Variants in CPQ observed in about 807,000 individuals in gnomAD.
CPQ encodes Ser-Met dipeptidase.
A neutral mutation model predicts 45.7 loss-of-function variants in CPQ; 37 were observed. That is an observed-to-expected ratio of 0.81 (90% CI 0.62 to 1.07). CPQ has a LOEUF of 1.07. Among genes scored for constraint, CPQ ranks in the 50% least tolerant of loss-of-function variants. The pLI is 0.00. For missense variants in CPQ, 537 were observed against 572.9 expected (o/e 0.94, Z 0.64); for synonymous variants, 186 against 205.8 (o/e 0.90, Z 0.82).
intron 7 of CPQ, among the ~76,000 whole-genome samples, chr8:97,130,023 C>T (rs963479931): frequency 3.3e-5 from 5 of 152,206 alleles, no homozygotes; most frequent in African/African-American, 9.7e-5. Flanking sequence ...GTAAACGTAA[C>T]TGTGATCATT....
intron 2 of CPQ, among the ~76,000 whole-genome samples, chr8:96,827,541 A>G (rs542769449): frequency 6.6e-6 from 1 of 152,218 alleles, no homozygotes; most frequent in Admixed American, 6.6e-5. Flanking sequence ...ATTTGGCTTG[A>G]AGTGAAATTT....
At chr8:96,912,152 T>G (rs1360056417) in intron 4 of CPQ, among the ~76,000 whole-genome samples, 3 of 152,200 alleles carry the variant, frequency 2.0e-5, no homozygotes, top group African/African-American at 7.2e-5. Context: ...TTAGGAAGCT[T>G]TAGCTGGACA....
chr8:96,653,623 G>A (rs557612636), intron 1 of CPQ, among the ~76,000 whole-genome samples: 1 of 152,276 alleles, frequency 6.6e-6, no homozygotes, highest in South Asian at 2.1e-4. Context: ...TATGTTACAT[G>A]TAATATATAC....
In CPQ at chr8:97,143,214, CT is replaced by C. The variant is rs11306979; in HGVS notation, c.*32del. On this transcript the variant is annotated 3_prime_UTR_variant, in exon 8 of 8. Transcript: ENST00000220763. Reference sequence around the variant, plus strand: ...GTAAGAAAGAAACGTTTTCATGCTTCTGGCCAGGAATCCTGGGTCTGCAACT... The same window carrying C: ...GTAAGAAAGAAACGTTTTCATGCTTCGGCCAGGAATCCTGGGTCTGCAACT... 0.052 allele frequency: 84,322 copies of C among 1,609,710 alleles called. 2,882 individuals carry two copies. The highest frequency in any genetic ancestry group is 0.15 in the Admixed American group (8,658 of 59,682).
chr8:96,718,099 G>C (rs1809708708), intron 1 of CPQ, among the ~76,000 whole-genome samples: 1 of 152,168 alleles, frequency 6.6e-6, no homozygotes, highest in South Asian at 2.1e-4. Flanking sequence ...GCCTGCCCTA[G>C]AAGCAGGGGC....
intron 4 of CPQ, among the ~76,000 whole-genome samples, chr8:96,946,408 G>A (rs1042818548): frequency 6.6e-6 from 1 of 152,002 alleles, no homozygotes; most frequent in Non-Finnish European, 1.5e-5. Flanking sequence ...ATTATTATCA[G>A]CAAGATAAAT....
At chr8:96,964,820 T>G (rs1378349826) in intron 4 of CPQ, among the ~76,000 whole-genome samples, 3 of 152,188 alleles carry the variant, frequency 2.0e-5, no homozygotes, top group Non-Finnish European at 2.9e-5. Flanking sequence ...TCCTCTAAAA[T>G]CTGTGTTTAG....
intron 5 of CPQ, among the ~76,000 whole-genome samples, chr8:96,999,900 G>A (rs938989622): frequency 1.3e-5 from 2 of 151,510 alleles, no homozygotes; most frequent in African/African-American, 2.4e-5. Flanking sequence ...ATCAGCATCT[G>A]TTATTTTTGA....
intron 1 of CPQ, among the ~76,000 whole-genome samples, chr8:96,753,874 A>G (rs914686238): frequency 6.6e-6 from 1 of 152,046 alleles, no homozygotes; most frequent in Non-Finnish European, 1.5e-5. Flanking sequence ...CTGGCCTAAA[A>G]GAAATTAGGA....
At chr8:96,714,680 C>T (rs772278547) in intron 1 of CPQ, among the ~76,000 whole-genome samples, 2 of 152,026 alleles carry the variant, frequency 1.3e-5, no homozygotes, top group Non-Finnish European at 2.9e-5. Flanking sequence ...TGCTGGAGAG[C>T]TACTGTGACC....
chr8:96,967,189 G>A (rs765471598), intron 5 of CPQ, among the ~76,000 whole-genome samples: 27 of 152,058 alleles, frequency 1.8e-4, no homozygotes, highest in South Asian at 4.1e-4. Context: ...GGAAAAAGTC[G>A]AACATTTTTC....
chr8:96,937,452 G>A (rs984668466), intron 4 of CPQ, among the ~76,000 whole-genome samples: 1 of 152,136 alleles, frequency 6.6e-6, no homozygotes, highest in African/African-American at 2.4e-5. Context: ...TAGCATGGTA[G>A]CCAAAGGATT....
intron 7 of CPQ, among the ~76,000 whole-genome samples, chr8:97,111,118 A>G (rs192488135): frequency 6.6e-6 from 1 of 152,282 alleles, no homozygotes; most frequent in East Asian, 1.9e-4. Context: ...CTAACTTTCA[A>G]TATTCTATGA....
intron 5 of CPQ, among the ~76,000 whole-genome samples, chr8:97,019,646 T>C (rs187071735): frequency 2.8e-4 from 43 of 152,246 alleles, no homozygotes; most frequent in Non-Finnish European, 5.1e-4. Context: ...TATATAATGA[T>C]AAAAGGCCTT....
chr8:96,748,473 G>C (rs1284620894), intron 1 of CPQ, among the ~76,000 whole-genome samples: 1 of 151,758 alleles, frequency 6.6e-6, no homozygotes, highest in Admixed American at 6.6e-5. Flanking sequence ...TAGCTTTATA[G>C]TTAACTTCAT....
intron 5 of CPQ, among the ~76,000 whole-genome samples, chr8:96,994,052 G>C (rs1158127200): frequency 6.6e-6 from 1 of 152,018 alleles, no homozygotes; most frequent in Non-Finnish European, 1.5e-5. Context: ...ACTTTCCCTG[G>C]AATAAACCTT....
intron 1 of CPQ, among the ~76,000 whole-genome samples, chr8:96,741,009 C>A (rs1810080400): frequency 6.6e-6 from 1 of 152,116 alleles, no homozygotes; most frequent in African/African-American, 2.4e-5. Flanking sequence ...AGGAAGGATT[C>A]CCTCTTTTTC....
chr8:97,068,171 A>G (rs1182219598), intron 7 of CPQ, among the ~76,000 whole-genome samples: 1 of 152,106 alleles, frequency 6.6e-6, no homozygotes, highest in Non-Finnish European at 1.5e-5. Flanking sequence ...CTTCACATGT[A>G]CGTGTTGTAT....
At chr8:96,864,065 C>T (rs1811964842) in intron 3 of CPQ, among the ~76,000 whole-genome samples, 1 of 152,040 alleles carries the variant, frequency 6.6e-6, no homozygotes, top group Admixed American at 6.6e-5. Flanking sequence ...TCTGGACACA[C>T]ACCAGACATT....
Sources: gnomAD v4.1 joint callset for allele counts (sites outside exome capture counted in the v4.1 genomes callset) on GRCh38, gnomAD v4.1.1 for gene constraint, MANE v1.5 for transcripts, NCBI Gene and HGNC (gene_info 2026-07-23, HGNC 2026-07-21) for gene names.